Variants in IGSF1 observed in about 807,000 individuals in gnomAD.
The protein encoded by IGSF1 is immunoglobulin-like domain-containing protein 1.
In IGSF1, 40 loss-of-function variants were observed where a neutral mutation model predicts 95.3. The observed-to-expected ratio is 0.42, with a 90% CI of 0.33 to 0.55. The LOEUF is 0.55. Among genes scored for constraint, IGSF1 ranks in the 20% least tolerant of loss-of-function variants. The pLI is 0.10. For synonymous variants in IGSF1, 372 were observed against 382.9 expected (o/e 0.97, Z 0.33); for missense variants, 906 against 1,025.4 (o/e 0.88, Z 1.59).
rs1239711726 is a variant in IGSF1 at position 131,278,396 on chromosome X, A to G, written c.2041+65T>C. The G allele has an allele frequency of 3.8e-5, 38 of 1,012,835 alleles. No homozygotes were observed. In the Admixed American group the frequency reaches 1.1e-3, roughly 29 times the overall value. The allele number at this position is 1,012,835 out of a possible 1,213,427, so 83.5% of individuals were successfully genotyped here. On this transcript the variant is annotated intron_variant, in intron 12 of 19. Transcript: ENST00000361420. The stretch of plus-strand genomic sequence containing the variant: ...CCTGTGAGTTCATTCCCTCACTCCC[A>G]GGAGCAGTGTTGGAGTCCCAGGGGC...
Position 131,278,437 on chromosome X carries a change from C to T in IGSF1, c.2041+24G>A, listed in dbSNP as rs3810725. On this transcript the variant is annotated intron_variant, in intron 12 of 19. Transcript: ENST00000361420. ...TCCCAGGGGCACTGGGGATAACTCC[C>T]GGAGACCCTCTACATTTTCTTACCT... 86,151 of 1,156,582 alleles carry T rather than the reference C, an allele frequency of 0.074. 2,902 individuals are homozygous for T. The highest frequency in any genetic ancestry group is 0.23 in the Admixed American group (9,657 of 41,518).
rs758796307 is a variant in IGSF1 at position 131,277,138 on chromosome X, G to T, written c.2409C>A (p.His803Gln). 1.7e-6 allele frequency: 2 copies of T among 1,209,168 alleles called. No individual in the cohort carries two copies. The highest frequency in any genetic ancestry group is 2.2e-6 in the Non-Finnish European group (2 of 894,634). Residue 803 changes from histidine (H) to glutamine (Q), a missense_variant, in exon 14 of 20, where the codon CAC becomes CAA. His to Gln is a conservative substitution (Grantham distance 24). Transcript: ENST00000361420. ...TGTAAAGAATAAAGCTCATATGCTG[G>T]TGGGGGGTGGAGCAATTGAAAGTCA... ...ARVTFNCSTP[H>Q]QHMSFILYKD...
At chrX:131,283,523 A>G (rs2080591951) in intron 5 of IGSF1, among the ~76,000 whole-genome samples, 1 of 112,019 alleles carries the variant, frequency 8.9e-6, no homozygotes, top group South Asian at 3.8e-4. Flanking sequence ...ATCTACATCT[A>G]TAATTCCCTG....
Position 131,275,098 on chromosome X carries a change from T to C in IGSF1, c.3373A>G (p.Arg1125Gly), listed in dbSNP as rs2080458812. 4.1e-6 allele frequency: 5 copies of C among 1,211,134 alleles called. No homozygotes were observed. Among genetic ancestry groups the C allele is most frequent in the Non-Finnish European group, 5.6e-6 (5 of 894,886 alleles). The change falls in exon 17 of 20, where the codon AGA becomes GGA. Residue 1125 changes from arginine to glycine, a missense_variant. By Grantham distance (125) the Arg-to-Gly change is moderately radical. Coordinates refer to ENST00000361420, the MANE Select transcript of IGSF1 (RefSeq NM_001555.5). ...YRADFWMPAV[R>G]GEDSGIYSCV... Reference sequence around the variant, plus strand: ...CTATAGATCCCAGAGTCTTCACCTCTCACTGCTGGCATCCAGAAGTCAGCC... The same window carrying C: ...CTATAGATCCCAGAGTCTTCACCTCCCACTGCTGGCATCCAGAAGTCAGCC...
At position 131,275,429 on chromosome X, in the gene IGSF1, T is replaced by A. The variant is rs1374356460; in HGVS notation, c.3184+49A>T. ...AACTATCTCCCATGAACTAGTCTAT[T>A]CCCTCCTTTCTACACTTCCATGCCC... On this transcript the variant is annotated intron_variant, in intron 16 of 19. Transcript: ENST00000361420. 1.2e-5 allele frequency: 14 copies of A among 1,169,267 alleles called. No homozygotes were observed. The South Asian group carries it at 2.4e-4, about 20-fold the overall frequency.
At position 131,283,074 on chromosome X, in the gene IGSF1, CA is replaced by C; in HGVS notation, c.857del (p.Leu286Ter). On this transcript the variant is annotated frameshift_variant, in exon 6 of 20. Coordinates refer to ENST00000361420, the MANE Select transcript of IGSF1 (RefSeq NM_001555.5). LOFTEE classifies it high-confidence loss of function. ...KNEANFFFQS[L>X]KIQDTGHYLC... ...GGTAATGTCCAGTATCTTGGATCTTCAAAGACTGGAAGAAGAAATTTGCCTC... is the reference window on the plus strand; with the variant it reads ...GGTAATGTCCAGTATCTTGGATCTTCAAGACTGGAAGAAGAAATTTGCCTC... The C allele has an allele frequency of 1.7e-6, 2 of 1,207,416 alleles. No homozygotes were observed. Among genetic ancestry groups the C allele is most frequent in the Non-Finnish European group, 2.2e-6 (2 of 891,331 alleles).
intron 9 of IGSF1, chrX:131,280,920 C>G (rs1180691676): frequency 4.3e-6 from 1 of 230,234 alleles, no homozygotes; most frequent in Non-Finnish European, 7.8e-6. Context: ...CATCAATCAT[C>G]TCTGAGGGCA....
intron 14 of IGSF1, among the ~76,000 whole-genome samples, chrX:131,276,591 C>T (rs1268049146): frequency 2.7e-5 from 3 of 111,269 alleles, no homozygotes; most frequent in African/African-American, 9.8e-5. Flanking sequence ...CGGTCTCTGA[C>T]AGCCCAGCTA....
chrX:131,277,520 A>G (rs990096528), intron 13 of IGSF1: 1 of 373,987 alleles, frequency 2.7e-6, no homozygotes, highest in Admixed American at 5.0e-5. Flanking sequence ...TGATTCTCTG[A>G]GCCTCAGTTT....
At chrX:131,287,056 CATAT>C (rs56903466) in intron 1 of IGSF1, among the ~76,000 whole-genome samples, 5 of 101,385 alleles carry the variant, frequency 4.9e-5, no homozygotes, top group Non-Finnish European at 6.0e-5. Context: ...TTCAGATATG[CATAT>C]ATATATATAT....
In IGSF1 at chrX:131,273,678, C is replaced by T; in HGVS notation, c.*118G>A. 1.4e-6 allele frequency: 1 copy of T among 711,925 alleles called. No homozygotes were observed. Among genetic ancestry groups the T allele is most frequent in the African/African-American group, 2.1e-5 (1 of 46,724 alleles). The allele number at this position is 711,925 out of a possible 1,213,427, so 58.7% of individuals were successfully genotyped here. On this transcript the variant is annotated 3_prime_UTR_variant, in exon 20 of 20. Transcript: ENST00000361420. ...CTCCCAGAATCCCCTTTACCCAGCT[C>T]AGGTGATTAGAGACCAAGGAACAGC...
intron 5 of IGSF1, chrX:131,284,818 C>G: frequency 3.4e-6 from 3 of 890,899 alleles, no homozygotes; most frequent in Non-Finnish European, 4.1e-6. Context: ...ATTTAAAACT[C>G]CATTTATAAG....
chrX:131,275,221 T>C lies in IGSF1; in HGVS notation c.3250A>G (p.Thr1084Ala). Residue 1084 changes from threonine (T) to alanine (A), a missense_variant, in exon 17 of 20, where the codon ACT becomes GCT. By Grantham distance (58) the Thr-to-Ala change is moderately conservative. This residue lies in a region of IGSF1 where 411 missense variants were observed against 494.9 expected (regional missense o/e 0.83). Coordinates refer to ENST00000361420, the MANE Select transcript of IGSF1 (RefSeq NM_001555.5). ...GGCAGTTCCCCTTGACACTGAAGAGTCATATTTTCGCCAGGGGCCACCATG... is the reference window on the plus strand; with the variant it reads ...GGCAGTTCCCCTTGACACTGAAGAGCCATATTTTCGCCAGGGGCCACCATG... ...GPMVAPGENM[T>A]LQCQGELPDS... The C allele has an allele frequency of 8.3e-7, 1 of 1,210,671 alleles. No individual in the cohort carries two copies. The highest frequency in any genetic ancestry group is 1.1e-6 in the Non-Finnish European group (1 of 894,851).
At chrX:131,281,125 G>C (rs1328018342) in intron 9 of IGSF1, 93 bp downstream of exon 9, 12 of 1,000,319 alleles carry the variant, frequency 1.2e-5, no homozygotes, top group Non-Finnish European at 1.7e-5. Flanking sequence ...GGGTTCTATA[G>C]GGTTTGCCTC....
intron 9 of IGSF1, 42 bp downstream of exon 9, chrX:131,281,174 ACT>A: frequency 4.2e-6 from 5 of 1,199,687 alleles, no homozygotes; most frequent in Non-Finnish European, 5.6e-6. Context: ...CATTCTTCAG[ACT>A]CTGTTAGGTT....
intron 8 of IGSF1, 33 bp downstream of exon 8, chrX:131,281,633 G>A (rs752990458): frequency 8.4e-7 from 1 of 1,186,034 alleles, no homozygotes; most frequent in East Asian, 3.0e-5. Context: ...CTGGGGTATG[G>A]AGGGGCATTC....
chrX:131,281,115 G>A, intron 9 of IGSF1, 103 bp downstream of exon 9: 1 of 889,011 alleles, frequency 1.1e-6, no homozygotes, highest in Non-Finnish European at 1.6e-6. Flanking sequence ...CAGAAGATAG[G>A]GGTTCTATAG....
intron 9 of IGSF1, 108 bp downstream of exon 9, chrX:131,281,110 G>T: frequency 1.1e-6 from 1 of 891,135 alleles, no homozygotes. Context: ...AAGCCCAGAA[G>T]ATAGGGGTTC....
In IGSF1 at chrX:131,282,440, T is replaced by G; in HGVS notation, c.1246+4A>C. ...TGATAATAAAAACAGTTGTTAACAC[T>G]TGCCTACAACCATAAGCTCCACAGT... is the stretch of plus-strand genomic sequence containing the variant. On this transcript the variant is annotated splice_donor_region_variant and intron_variant, in intron 7 of 19. Transcript: ENST00000361420. 8.4e-7 allele frequency: 1 copy of G among 1,194,505 alleles called. No individual in the cohort carries two copies.
Sources: allele counts gnomAD v4.1 joint callset (sites outside exome capture counted in the v4.1 genomes callset), GRCh38; gene constraint gnomAD v4.1.1; regional missense constraint gnomAD v4.1.1; transcripts MANE v1.5; gene names NCBI Gene and HGNC (gene_info 2026-07-23, HGNC 2026-07-21).